Variants in PCDHGA7 observed in about 807,000 individuals in gnomAD.
PCDHGA7 encodes the protein protocadherin gamma subfamily A, 7.
In PCDHGA7, 44 loss-of-function variants were observed where a neutral mutation model predicts 58.3. That is an observed-to-expected ratio of 0.75 (90% CI 0.59 to 0.97). PCDHGA7 has a LOEUF of 0.97. Ranked by LOEUF, PCDHGA7 falls within the 50% of genes least tolerant of loss-of-function variation. The pLI, the probability that PCDHGA7 is intolerant of heterozygous loss-of-function variation, is 0.00. For synonymous variants in PCDHGA7, 516 were observed against 504.2 expected (o/e 1.02, Z -0.31); for missense variants, 1,266 against 1,188.7 (o/e 1.06, Z -0.96).
chr5:141,404,291 G>C, intron 1 of PCDHGA7: 1 of 1,613,956 alleles, frequency 6.2e-7, no homozygotes, highest in Non-Finnish European at 8.5e-7. Context: ...TGACATCAAT[G>C]ATAATCCACC....
intron 3 of PCDHGA7, among the ~76,000 whole-genome samples, chr5:141,506,567 T>G (rs2099855029): frequency 6.6e-6 from 1 of 152,182 alleles, no homozygotes; most frequent in Non-Finnish European, 1.5e-5. Flanking sequence ...CCCCCTCGGT[T>G]TCACTTACTA....
At chr5:141,462,648 C>T (rs2099044153) in intron 1 of PCDHGA7, among the ~76,000 whole-genome samples, 1 of 137,364 alleles carries the variant, frequency 7.3e-6, no homozygotes, top group Admixed American at 7.1e-5. Flanking sequence ...TCATTTCCAT[C>T]CTCAATTATC....
intron 1 of PCDHGA7, chr5:141,395,509 G>C (rs59251876): frequency 0.091 from 39,157 of 428,204 alleles, 2,522 homozygotes; most frequent in African/African-American, 0.18. Flanking sequence ...TTAAGAAGTA[G>C]CTACCCGTCC....
At chr5:141,494,758 T>A (rs370692038) in intron 1 of PCDHGA7, 49 bp from the exon 2 acceptor site, 2 of 1,613,800 alleles carry the variant, frequency 1.2e-6, no homozygotes, top group Admixed American at 3.3e-5. Context: ...CGGGTGACAT[T>A]CTAACTTCTC....
intron 1 of PCDHGA7, among the ~76,000 whole-genome samples, chr5:141,481,215 G>T (rs1238465869): frequency 6.6e-6 from 1 of 152,152 alleles, no homozygotes; most frequent in Non-Finnish European, 1.5e-5. Context: ...AACATGGTAA[G>T]GTCTCCCAGC....
chr5:141,404,214 C>T lies in PCDHGA7; in HGVS notation c.2424+18891C>T, dbSNP rs1169013129. On this transcript the variant is annotated intron_variant, in intron 1 of 3. Coordinates refer to ENST00000518325, the MANE Select transcript of PCDHGA7 (RefSeq NM_018920.4). ...GAAAAAGCCTCAGAATATAATATCA[C>T]GGTGACTGCAACAGACAGAGGAACT... 11 of 1,613,562 alleles carry T rather than the reference C, an allele frequency of 6.8e-6. No individual in the cohort carries two copies. In the Admixed American group the frequency reaches 1.3e-4, roughly 20 times the overall value.
chr5:141,506,415 C>T lies in PCDHGA7; in HGVS notation c.2572+934C>T, dbSNP rs2099853185. 2.0e-5 allele frequency among the ~76,000 whole-genome samples: 3 copies of T among 148,290 alleles called. No homozygotes were observed. The South Asian group carries it at 6.4e-4, about 32-fold the overall frequency. On this transcript the variant is annotated intron_variant, in intron 3 of 3. Coordinates refer to ENST00000518325, the MANE Select transcript of PCDHGA7 (RefSeq NM_018920.4). ...GAGCAGAAAATCGCACCACTGCACT[C>T]CAGCCTGGGCAACAGTCTCGCTCTG...
rs550161736 is a variant in PCDHGA7, at chr5:141,427,826, G to T, written c.2424+42503G>T. ...GCGCACAGAGCGGGGTGGTGGTCGCGCAGCGTGCCTTCGACCACGAGCAGC... is the reference window on the plus strand; with the variant it reads ...GCGCACAGAGCGGGGTGGTGGTCGCTCAGCGTGCCTTCGACCACGAGCAGC... On this transcript the variant is annotated intron_variant, in intron 1 of 3. Coordinates refer to ENST00000518325, the MANE Select transcript of PCDHGA7 (RefSeq NM_018920.4). The T allele has an allele frequency of 2.6e-6, 4 of 1,536,502 alleles. No individual in the cohort carries two copies. The East Asian group carries it at 6.8e-5, about 26-fold the overall frequency.
chr5:141,394,033 G>A, intron 1 of PCDHGA7: 7 of 1,613,540 alleles, frequency 4.3e-6, no homozygotes, highest in Non-Finnish European at 5.9e-6. Context: ...TTAGTGACAA[G>A]GAAATATTTG....
intron 1 of PCDHGA7, chr5:141,420,410 A>G (rs2096494809): frequency 2.4e-6 from 3 of 1,236,296 alleles, no homozygotes; most frequent in South Asian, 4.4e-5. Flanking sequence ...TATGGTTATC[A>G]TTATTAAAAC....
Position 141,485,151 on chromosome 5 carries a change from T to C in PCDHGA7, c.2425-9656T>C, listed in dbSNP as rs1191585056. 1.0e-5 allele frequency: 16 copies of C among 1,584,876 alleles called. No homozygotes were observed. Among genetic ancestry groups the C allele is most frequent in the Non-Finnish European group, 1.3e-5 (15 of 1,156,528 alleles). On this transcript the variant is annotated intron_variant, in intron 1 of 3. Coordinates refer to ENST00000518325, the MANE Select transcript of PCDHGA7 (RefSeq NM_018920.4). This position sits in a 1 kb window ranked among gnomAD's most constrained non-coding sequence, Gnocchi z 5.7. ...GCTTCATCCGCGTCTCAGGAGCAAG[T>C]AGAGAATTAGCGGGCGGCAGCAATG...
intron 1 of PCDHGA7, chr5:141,400,255 C>A (rs2093990770): frequency 4.3e-6 from 7 of 1,613,928 alleles, no homozygotes; most frequent in Non-Finnish European, 1.7e-6. Context: ...CGTTGCCTTG[C>A]GCCTGCGACG....
In PCDHGA7 at chr5:141,432,115, C is replaced by G. The variant is rs753088299; in HGVS notation, c.2424+46792C>G. On this transcript the variant is annotated intron_variant, in intron 1 of 3. Transcript: ENST00000518325. This position sits in a 1 kb window ranked among gnomAD's most constrained non-coding sequence, Gnocchi z 6.0. ...ACACCAACGACAACCCGCCGGTCTT[C>G]CCTCAGGCCTCCTATTCCGCTTATA... The G allele has an allele frequency of 1.2e-5, 20 of 1,614,178 alleles. No individual in the cohort carries two copies. Among genetic ancestry groups the G allele is most frequent in the Non-Finnish European group, 1.6e-5 (19 of 1,180,050 alleles).
chr5:141,419,605 G>A, intron 1 of PCDHGA7: 1 of 1,611,776 alleles, frequency 6.2e-7, no homozygotes, highest in Non-Finnish European at 8.5e-7. Flanking sequence ...CGCGGGCCGC[G>A]CAGCCAGGCT....
intron 3 of PCDHGA7, chr5:141,507,213 G>C (rs1016967764): frequency 6.6e-6 from 1 of 152,558 alleles, no homozygotes; most frequent in African/African-American, 2.4e-5. Context: ...AGGGTTGCCA[G>C]ATAAAATACA....
chr5:141,427,440 G>T (rs747459662), intron 1 of PCDHGA7: 3 of 477,366 alleles, frequency 6.3e-6, no homozygotes, highest in South Asian at 3.1e-5. Flanking sequence ...CCTCATAAAC[G>T]AAAGAGTTCC....
intron 1 of PCDHGA7, among the ~76,000 whole-genome samples, chr5:141,401,931 A>C: frequency 6.6e-6 from 1 of 152,352 alleles, no homozygotes; most frequent in Middle Eastern, 3.4e-3. Context: ...GATGCTTAGA[A>C]TAATGTTTAA....
Position 141,487,928 on chromosome 5 carries a change from A to G in PCDHGA7, c.2425-6879A>G. Reference sequence around the variant, plus strand: ...GGGAGCACAGGAGGCTACAGTGCACAGGGTACAGTGCACCAGGCAGTCACT... The same window carrying G: ...GGGAGCACAGGAGGCTACAGTGCACGGGGTACAGTGCACCAGGCAGTCACT... On this transcript the variant is annotated intron_variant, in intron 1 of 3. Transcript: ENST00000518325. The surrounding 1 kb of genome is among the most constrained non-coding windows in gnomAD (Gnocchi z 5.0). The G allele has an allele frequency of 3.2e-6, 2 of 620,886 alleles. No homozygotes were observed. The highest frequency in any genetic ancestry group is 5.6e-6 in the Non-Finnish European group (2 of 355,916). The allele number at this position is 620,886 out of a possible 1,614,324, so 38.5% of individuals were successfully genotyped here. A position where few individuals can be genotyped will look rare whatever the true frequency, so the allele number is the denominator to read the frequency against.
Position 141,486,793 on chromosome 5 carries a change from G to C in PCDHGA7, c.2425-8014G>C. ...AGTTTGAGGTGCAGGCCCGGGATCG[G>C]GGCAACCCACCCCTTAGCAGCACTG... is the stretch of plus-strand genomic sequence containing the variant. On this transcript the variant is annotated intron_variant, in intron 1 of 3. Transcript: ENST00000518325. This position sits in a 1 kb window ranked among gnomAD's most constrained non-coding sequence, Gnocchi z 5.0. 6.2e-7 allele frequency: 1 copy of C among 1,614,244 alleles called. No homozygotes were observed. Among genetic ancestry groups the C allele is most frequent in the Non-Finnish European group, 8.5e-7 (1 of 1,180,050 alleles).
Sources: allele counts gnomAD v4.1 joint callset (sites outside exome capture counted in the v4.1 genomes callset), GRCh38; gene constraint gnomAD v4.1.1; non-coding constraint Gnocchi (gnomAD v3.1); transcripts MANE v1.5; gene names NCBI Gene and HGNC (gene_info 2026-07-23, HGNC 2026-07-21).